Variants in AK1 observed in about 807,000 individuals in gnomAD.
The protein encoded by AK1 is adenylate kinase isoenzyme 1.
In AK1, 13 loss-of-function variants were observed where a neutral mutation model predicts 23.9. The ratio of observed to expected loss-of-function variants is 0.54; its 90% CI spans 0.35 to 0.86. AK1 has a LOEUF of 0.86. AK1 is among the 40% of genes least tolerant of loss of function. The probability of loss-of-function intolerance (pLI) is 0.01; values close to 1 mark genes in which losing one functional copy is unlikely to be tolerated. For synonymous variants in AK1, 97 were observed against 102.8 expected, an observed-to-expected ratio of 0.94 and a Z score of 0.34; for missense variants, 214 against 255.1, an observed-to-expected ratio of 0.84 and a Z score of 1.10.
Position 127,868,449 on chromosome 9 carries a change from A to G in AK1, c.388T>C (p.Leu130=), listed in dbSNP as rs1588612224. 2 of 1,609,992 alleles carry G rather than the reference A, an allele frequency of 1.2e-6. No individual in the cohort carries two copies. Among genetic ancestry groups the G allele is most frequent in the Non-Finnish European group, 1.7e-6 (2 of 1,178,230 alleles). Residue 130 remains leucine, a synonymous_variant, in exon 6 of 7, where the codon TTG becomes CTG. Transcript: ENST00000644144. The surrounding 1 kb of genome is among the most constrained non-coding windows in gnomAD (Gnocchi z 4.1). ...CGCCCGCTGGTCTCTCCACGTTTCA[A>G]GAGCCGCTGGGTCATGGTCTCAGGG... ...AGPETMTQRL[L]KRGETSGRVD... is the part of the protein sequence containing the mutation.
intron 3 of AK1, 36 bp from the exon 4 acceptor site, chr9:127,872,889 C>T (rs1202015076): frequency 6.2e-7 from 1 of 1,613,774 alleles, no homozygotes. Flanking sequence ...CCCCGAGACA[C>T]AGGGTCCCAG....
intron 2 of AK1, chr9:127,873,271 C>A: frequency 2.0e-6 from 3 of 1,532,588 alleles, no homozygotes; most frequent in Non-Finnish European, 2.6e-6. Context: ...AGAGGGTGCT[C>A]CAGGCAGCCA....
In AK1 at chr9:127,867,693, C is replaced by T. The variant is rs1829277995; in HGVS notation, c.*315G>A. 1 of 385,928 alleles carries T rather than the reference C, an allele frequency of 2.6e-6. No individual in the cohort carries two copies. The highest frequency in any genetic ancestry group is 4.9e-6 in the Non-Finnish European group (1 of 203,340). 23.9% of individuals were successfully genotyped at this position (385,928 alleles called of 1,614,324 possible). A position where few individuals can be genotyped will look rare whatever the true frequency, so the allele number is the denominator to read the frequency against. ...GCCCTGTGCGAGGAAGGGCCCCGGG[C>T]CTCCCACCAGAGCTAGAGGAGGGGT... On this transcript the variant is annotated 3_prime_UTR_variant, in exon 7 of 7. Coordinates refer to ENST00000644144, the MANE Select transcript of AK1 (RefSeq NM_000476.3).
chr9:127,874,792 G>T, intron 1 of AK1, 143 bp from the exon 2 acceptor site: 3 of 803,016 alleles, frequency 3.7e-6, no homozygotes, highest in Non-Finnish European at 6.1e-6. Flanking sequence ...GGCAGGGAAG[G>T]CCCAGGACCC....
In AK1 at chr9:127,871,032, T is replaced by C. The variant is rs1829394849; in HGVS notation, c.324+791A>G. ...GCACGTGTGCATTCCTGCATATGTG[T>C]GCTGCGTCCGTGACATGCATGTGCA... On this transcript the variant is annotated intron_variant, in intron 5 of 6. Coordinates refer to ENST00000644144, the MANE Select transcript of AK1 (RefSeq NM_000476.3). This position sits in a 1 kb window ranked among gnomAD's most constrained non-coding sequence, Gnocchi z 4.4. 6.6e-6 allele frequency among the ~76,000 whole-genome samples: 1 copy of C among 151,822 alleles called. No homozygotes were observed. Among genetic ancestry groups the C allele is most frequent in the African/African-American group, 2.4e-5 (1 of 41,056 alleles).
chr9:127,869,991 G>A (rs892861574), intron 5 of AK1, among the ~76,000 whole-genome samples: 3 of 152,138 alleles, frequency 2.0e-5, no homozygotes, highest in East Asian at 1.9e-4. Flanking sequence ...AGTCCACAAC[G>A]GGCACTGCCA....
rs1829418281 is a variant in AK1 at position 127,871,857 on chromosome 9, C to T, written c.290G>A (p.Arg97Gln). 6 of 1,614,144 alleles carry T rather than the reference C, an allele frequency of 3.7e-6. No individual in the cohort carries two copies. Among genetic ancestry groups the T allele is most frequent in the Non-Finnish European group, 4.2e-6 (5 of 1,180,034 alleles). ...SKGFLIDGYPREVQQGEEFER... is the reference protein window; with the variant it reads ...SKGFLIDGYPQEVQQGEEFER... ...AAACTCTTCTCCTTGCTGCACCTCC[C>T]GCGGGTAGCCATCAATCAGGAAGCC... The change falls in exon 5 of 7, where the codon CGG becomes CAG. Residue 97 changes from arginine (R) to glutamine (Q), a missense_variant. By Grantham distance (43) the Arg-to-Gln change is conservative (BLOSUM62 1). Coordinates refer to ENST00000644144, the MANE Select transcript of AK1 (RefSeq NM_000476.3). This position sits in a 1 kb window ranked among gnomAD's most constrained non-coding sequence, Gnocchi z 4.4.
chr9:127,873,795 C>G (rs944004358), intron 2 of AK1: 21 of 985,338 alleles, frequency 2.1e-5, no homozygotes, highest in Non-Finnish European at 2.5e-5. Context: ...CAGGCTCCCC[C>G]GCTTCCCAGG....
chr9:127,868,310 G>T lies in AK1; in HGVS notation c.516+11C>A, dbSNP rs115263629. 4,256 of 1,566,540 alleles carry T rather than the reference G, an allele frequency of 2.7e-3. 103 individuals carry two copies. In the African/African-American group the frequency reaches 0.049, roughly 18 times the overall value. ...TCTTCCCGGAGCTGCCCCTGGGCCCGCGGGGCCCACCTTGCGCACAATGCC... is the reference window on the plus strand; with the variant it reads ...TCTTCCCGGAGCTGCCCCTGGGCCCTCGGGGCCCACCTTGCGCACAATGCC... On this transcript the variant is annotated intron_variant, in intron 6 of 6. Transcript: ENST00000644144. The surrounding 1 kb of genome is among the most constrained non-coding windows in gnomAD (Gnocchi z 4.1).
In AK1 at chr9:127,871,089, T is replaced by C. The variant is rs1051807397; in HGVS notation, c.324+734A>G. ...CAGTATCCACTGCCGTGTGTGTGCA[T>C]GTGTGCACATGCCCCTGGCCTTGTG... On this transcript the variant is annotated intron_variant, in intron 5 of 6. Coordinates refer to ENST00000644144, the MANE Select transcript of AK1 (RefSeq NM_000476.3). The surrounding 1 kb of genome is among the most constrained non-coding windows in gnomAD (Gnocchi z 4.4). 6.6e-6 allele frequency among the ~76,000 whole-genome samples: 1 copy of C among 151,778 alleles called. No homozygotes were observed. Among genetic ancestry groups the C allele is most frequent in the African/African-American group, 2.4e-5 (1 of 41,040 alleles).
rs770394256 is a variant in AK1 at position 127,871,890 on chromosome 9, G to T, written c.257C>A (p.Thr86Asn). 17 of 1,614,034 alleles carry T rather than the reference G, an allele frequency of 1.1e-5. No homozygotes were observed. In the East Asian group the frequency reaches 1.1e-4, roughly 11 times the overall value. ...GCCATCAATCAGGAAGCCTTTGGAAGTATTGACTTTGGCCACCATGGCATC... is the reference window on the plus strand; with the variant it reads ...GCCATCAATCAGGAAGCCTTTGGAATTATTGACTTTGGCCACCATGGCATC... ...LRDAMVAKVN[T>N]SKGFLIDGYP... is the part of the protein sequence containing the mutation. The change falls in exon 5 of 7, where the codon ACT becomes AAT. Residue 86 changes from threonine (T) to asparagine (N), a missense_variant. By Grantham distance (65) the Thr-to-Asn change is moderately conservative. Transcript: ENST00000644144. The surrounding 1 kb of genome is among the most constrained non-coding windows in gnomAD (Gnocchi z 4.4).
In AK1 at chr9:127,868,438, T is replaced by C. The variant is rs1588612176; in HGVS notation, c.399A>G (p.Gly133=). ...TGTCGTCCACACGCCCGCTGGTCTC[T>C]CCACGTTTCAAGAGCCGCTGGGTCA... ...ETMTQRLLKR[G]ETSGRVDDNE... is the part of the protein sequence containing the mutation. Residue 133 remains glycine (G), a synonymous_variant, in exon 6 of 7, where the codon GGA becomes GGG. Coordinates refer to ENST00000644144, the MANE Select transcript of AK1 (RefSeq NM_000476.3). This position sits in a 1 kb window ranked among gnomAD's most constrained non-coding sequence, Gnocchi z 4.1. The C allele has an allele frequency of 6.2e-7, 1 of 1,611,070 alleles. No individual in the cohort carries two copies. The highest frequency in any genetic ancestry group is 8.5e-7 in the Non-Finnish European group (1 of 1,178,768).
rs1829318839 is a variant in AK1, at chr9:127,868,946, A to C, written c.325-434T>G. ...CTGATGCCACCCCCCGCCCCCCAGT[A>C]CTCCCCGCCTCCTGGAACAGGCTCT... On this transcript the variant is annotated intron_variant, in intron 5 of 6. Coordinates refer to ENST00000644144, the MANE Select transcript of AK1 (RefSeq NM_000476.3). This position sits in a 1 kb window ranked among gnomAD's most constrained non-coding sequence, Gnocchi z 4.1. Among the ~76,000 whole-genome samples, 1 of 151,088 alleles carries C rather than the reference A, an allele frequency of 6.6e-6. No homozygotes were observed. The highest frequency in any genetic ancestry group is 2.4e-5 in the African/African-American group (1 of 41,024).
intron 1 of AK1, among the ~76,000 whole-genome samples, chr9:127,875,672 G>A (rs1022108300): frequency 1.3e-5 from 2 of 150,922 alleles, no homozygotes; most frequent in African/African-American, 2.4e-5. Context: ...CCCGAGACAG[G>A]CCCCAGAAGC....
chr9:127,867,940 G>T lies in AK1; in HGVS notation c.*68C>A. Reference sequence around the variant, plus strand: ...GGCAGGGTGGAGGCGCTGCGCTCAGGCCAGGAGGACCTCGAATCAGGACGG... The same window carrying T: ...GGCAGGGTGGAGGCGCTGCGCTCAGTCCAGGAGGACCTCGAATCAGGACGG... On this transcript the variant is annotated 3_prime_UTR_variant, in exon 7 of 7. Transcript: ENST00000644144. 2.6e-6 allele frequency: 4 copies of T among 1,520,734 alleles called. No individual in the cohort carries two copies. The highest frequency in any genetic ancestry group is 3.7e-6 in the Non-Finnish European group (4 of 1,095,260). The allele number at this position is 1,520,734 out of a possible 1,614,324, so 94.2% of individuals were successfully genotyped here. A position where few individuals can be genotyped will look rare whatever the true frequency, so the allele number is the denominator to read the frequency against.
At position 127,871,872 on chromosome 9, in the gene AK1, A is replaced by G; in HGVS notation, c.275T>C (p.Ile92Thr). ...CTGCACCTCCCGCGGGTAGCCATCA[A>G]TCAGGAAGCCTTTGGAAGTATTGAC... ...AKVNTSKGFL[I>T]DGYPREVQQG... The change falls in exon 5 of 7, where the codon ATT (isoleucine) becomes ACT (threonine). Residue 92 changes from isoleucine to threonine, a missense_variant. Transcript: ENST00000644144. The surrounding 1 kb of genome is among the most constrained non-coding windows in gnomAD (Gnocchi z 4.4). 6.2e-7 allele frequency: 1 copy of G among 1,614,122 alleles called. No homozygotes were observed. The highest frequency in any genetic ancestry group is 1.1e-5 in the South Asian group (1 of 91,082).
Position 127,866,602 on chromosome 9 carries a change from G to A in AK1, c.*1406C>T, listed in dbSNP as rs1162743226. 1 of 152,212 alleles carries A rather than the reference G, an allele frequency of 6.6e-6. No individual in the cohort carries two copies. 9.4% of individuals were successfully genotyped at this position (152,212 alleles called of 1,614,324 possible). A position where few individuals can be genotyped will look rare whatever the true frequency, so the allele number is the denominator to read the frequency against. ...TGTTCGGATTTCATTCGGGCAGGCGGGGTCCACAAGAGGCTCTCTTGGCTT... is the reference window on the plus strand; with the variant it reads ...TGTTCGGATTTCATTCGGGCAGGCGAGGTCCACAAGAGGCTCTCTTGGCTT... On this transcript the variant is annotated 3_prime_UTR_variant, in exon 7 of 7. Transcript: ENST00000644144.
intron 4 of AK1, 67 bp downstream of exon 4, chr9:127,872,623 T>G (rs1829439529): frequency 6.2e-7 from 1 of 1,604,634 alleles, no homozygotes; most frequent in African/African-American, 1.3e-5. Context: ...TGGGCTTTGC[T>G]GCTGGTGGGA....
rs1829567853 is a variant in AK1, at chr9:127,877,496, C to G, written c.-33+127G>C. 1 of 153,194 alleles carries G rather than the reference C, an allele frequency of 6.5e-6. No individual in the cohort carries two copies. Among genetic ancestry groups the G allele is most frequent in the African/African-American group, 2.4e-5 (1 of 41,464 alleles). 9.5% of individuals were successfully genotyped at this position (153,194 alleles called of 1,614,324 possible). On this transcript the variant is annotated intron_variant, in intron 1 of 6. Coordinates refer to ENST00000644144, the MANE Select transcript of AK1 (RefSeq NM_000476.3). This position sits in a 1 kb window ranked among gnomAD's most constrained non-coding sequence, Gnocchi z 5.2. Reference sequence around the variant, plus strand: ...CACAGCCACGCAAACACACACGGATCACAACCACGGATACACAGCCGCACA... The same window carrying G: ...CACAGCCACGCAAACACACACGGATGACAACCACGGATACACAGCCGCACA...
Sources: gnomAD v4.1 joint callset for allele counts (sites outside exome capture counted in the v4.1 genomes callset) on GRCh38, gnomAD v4.1.1 for gene constraint, Gnocchi (gnomAD v3.1) non-coding constraint, MANE v1.5 for transcripts, NCBI Gene and HGNC (gene_info 2026-07-23, HGNC 2026-07-21) for gene names.